The following DPP6 variants were observed in gnomAD, a reference collection of about 807,000 sequenced individuals.
DPP6 encodes the protein A-type potassium channel modulatory protein DPP6.
DPP6 carries 69 observed loss-of-function variants against 122.6 expected under a neutral mutation model. The ratio of observed to expected loss-of-function variants is 0.56; its 90% CI spans 0.46 to 0.69. The LOEUF (loss-of-function observed/expected upper bound fraction) is 0.69, where lower values mean the gene tolerates loss of function less well. DPP6 is among the 30% of genes least tolerant of loss of function. The probability of loss-of-function intolerance (pLI) is 0.00; values close to 1 mark genes in which losing one functional copy is unlikely to be tolerated. For synonymous variants in DPP6, 418 were observed against 433.1 expected, an observed-to-expected ratio of 0.97 and a Z score of 0.43; for missense variants, 928 against 1,116.9, an observed-to-expected ratio of 0.83 and a Z score of 2.41.
At chr7:154,395,534 T>TA (rs1335643355) in intron 1 of DPP6, among the ~76,000 whole-genome samples, 1 of 152,220 alleles carries the variant, frequency 6.6e-6, no homozygotes, top group Non-Finnish European at 1.5e-5. Context: ...GAGTTGTTTT[T>TA]ATCATTTCCT....
Position 154,875,079 on chromosome 7 carries a change from G to A in DPP6, c.1884-827G>A, listed in dbSNP as rs916224622. 2.7e-5 allele frequency among the ~76,000 whole-genome samples: 4 copies of A among 150,492 alleles called. No homozygotes were observed. The highest frequency in any genetic ancestry group is 2.1e-4 in the South Asian group (1 of 4,742). On this transcript the variant is annotated intron_variant, in intron 19 of 25. Coordinates refer to ENST00000377770, the MANE Select transcript of DPP6 (RefSeq NM_130797.4). This position sits in a 1 kb window ranked among gnomAD's most constrained non-coding sequence, Gnocchi z 4.5. Reference sequence around the variant, plus strand: ...TGTGCCACTGCACTCCAGCCTGGCCGACAGAGTGAGACCCTGTCTCAAACA... The same window carrying A: ...TGTGCCACTGCACTCCAGCCTGGCCAACAGAGTGAGACCCTGTCTCAAACA...
chr7:154,083,625 T>C (rs2907734), intron 1 of DPP6, among the ~76,000 whole-genome samples: 89,031 of 144,872 alleles, frequency 0.61, 27,701 homozygotes, highest in South Asian at 0.66. Flanking sequence ...GGGACAGCTC[T>C]AGGGACTTAG....
chr7:154,739,750 C>T (rs1842732588), intron 8 of DPP6, among the ~76,000 whole-genome samples: 4 of 152,342 alleles, frequency 2.6e-5, no homozygotes, highest in African/African-American at 9.6e-5. Context: ...AAGCTCCCTT[C>T]CTTCTTGGCA....
chr7:154,346,608 C>T (rs1035570435), intron 1 of DPP6, among the ~76,000 whole-genome samples: 4 of 152,132 alleles, frequency 2.6e-5, no homozygotes, highest in Admixed American at 6.5e-5. Context: ...TGCCCAGGCC[C>T]TCCTTCACAC....
At chr7:154,797,686 G>A (rs1469437092) in intron 12 of DPP6, among the ~76,000 whole-genome samples, 2 of 152,104 alleles carry the variant, frequency 1.3e-5, no homozygotes, top group Non-Finnish European at 2.9e-5. Context: ...ATTTTGGGGT[G>A]GTGGAAATGT....
chr7:154,753,015 A>G (rs1451264768), intron 8 of DPP6, among the ~76,000 whole-genome samples: 1 of 152,004 alleles, frequency 6.6e-6, no homozygotes, highest in Non-Finnish European at 1.5e-5. Context: ...TGGGGGACAT[A>G]GCTCTGGCCG....
chr7:154,767,103 G>A (rs1023262241), intron 8 of DPP6, among the ~76,000 whole-genome samples: 2 of 152,202 alleles, frequency 1.3e-5, no homozygotes, highest in African/African-American at 2.4e-5. Context: ...GTCCAAAGCT[G>A]CTTCATTTTT....
chr7:154,291,431 G>C (rs1056242764), intron 1 of DPP6, among the ~76,000 whole-genome samples: 8 of 152,230 alleles, frequency 5.3e-5, no homozygotes, highest in African/African-American at 1.9e-4. Flanking sequence ...CCAAGGTCCA[G>C]TTCTTGCATC....
At chr7:154,679,337 C>T (rs551351663) in intron 7 of DPP6, among the ~76,000 whole-genome samples, 15 of 152,266 alleles carry the variant, frequency 9.9e-5, no homozygotes, top group African/African-American at 1.9e-4. Context: ...AATTCCCCTA[C>T]GCTAATGCCA....
intron 16 of DPP6, among the ~76,000 whole-genome samples, chr7:154,815,093 G>T (rs761669742): frequency 4.6e-5 from 7 of 152,204 alleles, no homozygotes; most frequent in South Asian, 2.1e-4. Flanking sequence ...ATATAAGAAA[G>T]AAAGAGTGCT....
the DPP6 span, among the ~76,000 whole-genome samples, chr7:153,817,891 A>G: frequency 6.6e-6 from 1 of 151,916 alleles, no homozygotes; most frequent in Non-Finnish European, 1.5e-5. Context: ...CATTGTGCAC[A>G]CGAACCCTAG....
intron 1 of DPP6, among the ~76,000 whole-genome samples, chr7:154,145,425 A>G (rs1307099311): frequency 6.6e-6 from 1 of 152,200 alleles, no homozygotes; most frequent in East Asian, 1.9e-4. Context: ...TCTAAGCCCA[A>G]GAAAGAAATA....
intron 16 of DPP6, among the ~76,000 whole-genome samples, chr7:154,853,236 C>T (rs1802547579): frequency 6.6e-6 from 1 of 152,236 alleles, no homozygotes; most frequent in African/African-American, 2.4e-5. Context: ...AGGGCTGCAA[C>T]ATTCCTGCAG....
At chr7:153,897,047 A>G (rs943416065) in intron 1 of DPP6, among the ~76,000 whole-genome samples, 1 of 152,200 alleles carries the variant, frequency 6.6e-6, no homozygotes, top group African/African-American at 2.4e-5. Flanking sequence ...TTGATAACTT[A>G]TAGTTGTAGA....
chr7:153,875,281 G>GA, the DPP6 span, among the ~76,000 whole-genome samples: 4 of 152,000 alleles, frequency 2.6e-5, no homozygotes, highest in African/African-American at 9.7e-5. Flanking sequence ...CAAAACAAAG[G>GA]AAAAATATAA....
chr7:153,856,138 C>T, the DPP6 span, among the ~76,000 whole-genome samples: 1 of 152,150 alleles, frequency 6.6e-6, no homozygotes, highest in Non-Finnish European at 1.5e-5. Context: ...AGGCACCTCA[C>T]TGAAGGTACC....
intron 3 of DPP6, among the ~76,000 whole-genome samples, chr7:154,499,908 A>C (rs1825081709): frequency 6.6e-6 from 1 of 152,174 alleles, no homozygotes; most frequent in African/African-American, 2.4e-5. Context: ...TCGTGAAAGG[A>C]TACAGAACAA....
intron 1 of DPP6, among the ~76,000 whole-genome samples, chr7:154,296,544 G>T (rs1585857778): frequency 6.6e-6 from 1 of 152,180 alleles, no homozygotes; most frequent in Non-Finnish European, 1.5e-5. Context: ...CTGTGTCCTT[G>T]GTTCCCAGGA....
At chr7:154,473,938 A>T (rs1468110351) in intron 2 of DPP6, among the ~76,000 whole-genome samples, 1 of 152,184 alleles carries the variant, frequency 6.6e-6, no homozygotes, top group African/African-American at 2.4e-5. Context: ...GAAAACTGGG[A>T]GTCTTTGAAA....
Sources: allele counts gnomAD v4.1 joint callset (sites outside exome capture counted in the v4.1 genomes callset), GRCh38; gene constraint gnomAD v4.1.1; non-coding constraint Gnocchi (gnomAD v3.1); transcripts MANE v1.5; gene names NCBI Gene and HGNC (gene_info 2026-07-23, HGNC 2026-07-21).